Variants in CTTN observed in about 807,000 individuals in gnomAD.
CTTN encodes cortactin.
In CTTN, 28 loss-of-function variants were observed where a neutral mutation model predicts 84.0. That is an observed-to-expected ratio of 0.33 (90% CI 0.25 to 0.46). The LOEUF (loss-of-function observed/expected upper bound fraction) is 0.46, where lower values mean the gene tolerates loss of function less well. CTTN is among the 20% of genes least tolerant of loss of function. The pLI, the probability that CTTN is intolerant of heterozygous loss-of-function variation, is 1.00. For synonymous variants in CTTN, 301 were observed against 288.8 expected (o/e 1.04, Z -0.43); for missense variants, 641 against 723.8 (o/e 0.89, Z 1.31).
At chr11:70,425,244 G>A (rs2058288366) in intron 12 of CTTN, 88 bp from the exon 13 acceptor site, 1 of 1,025,982 alleles carries the variant, frequency 9.7e-7, no homozygotes, top group African/African-American at 1.6e-5. Flanking sequence ...GAAGATCTGG[G>A]GAAGGCATTT....
chr11:70,415,995 G>A, intron 7 of CTTN: 2 of 413,038 alleles, frequency 4.8e-6, no homozygotes, highest in Admixed American at 8.0e-5. Flanking sequence ...TCTCCCCCTT[G>A]TAGCGGAAGC....
At position 70,435,253 on chromosome 11, in the gene CTTN, G is replaced by GTTTTTTT. The variant is rs370623790; in HGVS notation, c.*110_*116dup. On this transcript the variant is annotated 3_prime_UTR_variant, in exon 18 of 18. Transcript: ENST00000301843. ...TCTTGGGTGGTTTTGGGTTTTTTCT[G>GTTTTTTT]TTTTTTTTTTTTTTTTTTTTTTTTT... 3.4e-4 allele frequency: 321 copies of GTTTTTTT among 938,468 alleles called. No individual in the cohort carries two copies. The highest frequency in any genetic ancestry group is 1.0e-3 in the South Asian group (38 of 37,292). 58.1% of individuals were successfully genotyped at this position (938,468 alleles called of 1,614,324 possible).
intron 5 of CTTN, 120 bp downstream of exon 5, chr11:70,410,080 T>C: frequency 9.1e-7 from 1 of 1,097,008 alleles, no homozygotes; most frequent in Non-Finnish European, 1.3e-6. Flanking sequence ...CTGCTGAGGT[T>C]GCGATTTGCC....
intron 13 of CTTN, among the ~76,000 whole-genome samples, chr11:70,428,674 A>G (rs904359312): frequency 3.9e-5 from 6 of 152,226 alleles, no homozygotes; most frequent in Non-Finnish European, 5.9e-5. Context: ...GAGATTTACT[A>G]TACTCAGTAT....
intron 17 of CTTN, among the ~76,000 whole-genome samples, chr11:70,434,807 T>A (rs2135600923): frequency 6.6e-6 from 1 of 152,340 alleles, no homozygotes; most frequent in East Asian, 1.9e-4. Context: ...GGTGCTTGTG[T>A]GAAGGGCTCT....
chr11:70,433,609 A>G, intron 16 of CTTN, 38 bp from the exon 17 acceptor site: 2 of 1,448,490 alleles, frequency 1.4e-6, no homozygotes, highest in Non-Finnish European at 1.9e-6. Context: ...CCTGTGTGGG[A>G]CTTTGTATTG....
At chr11:70,428,756 GT>G (rs141746917) in intron 13 of CTTN, among the ~76,000 whole-genome samples, 3 of 152,254 alleles carry the variant, frequency 2.0e-5, no homozygotes, top group Non-Finnish European at 4.4e-5. Context: ...GAAATTGGCT[GT>G]TTTTATTTAA....
At position 70,435,088 on chromosome 11, in the gene CTTN, G is replaced by A. The variant is rs748720312; in HGVS notation, c.1579G>A (p.Asp527Asn). 1.4e-5 allele frequency: 22 copies of A among 1,613,842 alleles called. 1 individual carries two copies. Among genetic ancestry groups the A allele is most frequent in the African/African-American group, 2.7e-5 (2 of 74,894 alleles). ...CATCACCAACATCGAGATGATTGAC[G>A]ACGGCTGGTGGCGCGGGGTGTGCAA... Reference protein sequence around the residue: ...DIITNIEMIDDGWWRGVCKGR... With the variant: ...DIITNIEMIDNGWWRGVCKGR... The change falls in exon 18 of 18, where the codon GAC becomes AAC. Residue 527 changes from aspartate to asparagine, a missense_variant. Around this residue, in one of 3 missense-constraint regions of CTTN, gnomAD observed 68 missense variants for 102.2 expected, o/e 0.67. Transcript: ENST00000301843.
chr11:70,416,822 C>T (rs955271276), intron 7 of CTTN, 191 bp from the exon 8 acceptor site: 1 of 577,160 alleles, frequency 1.7e-6, no homozygotes, highest in East Asian at 2.9e-5. Flanking sequence ...CCAGAACCCC[C>T]CCATGCACCT....
chr11:70,426,835 CATG>C (rs1272969119), intron 13 of CTTN, among the ~76,000 whole-genome samples: 4 of 151,720 alleles, frequency 2.6e-5, no homozygotes, highest in African/African-American at 9.7e-5. Flanking sequence ...CTCCTGACCT[CATG>C]ATCTGCCCGC....
At chr11:70,432,435 G>A (rs960947060) in intron 15 of CTTN, among the ~76,000 whole-genome samples, 5 of 152,208 alleles carry the variant, frequency 3.3e-5, no homozygotes, top group East Asian at 1.9e-4. Context: ...CTGAGCTGTC[G>A]GCATTGCTTT....
At position 70,435,419 on chromosome 11, in the gene CTTN, T is replaced by A. The variant is rs767936018; in HGVS notation, c.*257T>A. On this transcript the variant is annotated 3_prime_UTR_variant, in exon 18 of 18. Transcript: ENST00000301843. ...GACTTTGGTAATTGGTTTTATGCAT[T>A]GATGGTTTTTTTTTTCTTTTTTGCC... 6.6e-7 allele frequency: 1 copy of A among 1,507,138 alleles called. No individual in the cohort carries two copies. The highest frequency in any genetic ancestry group is 8.8e-7 in the Non-Finnish European group (1 of 1,139,086). The allele number at this position is 1,507,138 out of a possible 1,614,324, so 93.4% of individuals were successfully genotyped here.
intron 5 of CTTN, among the ~76,000 whole-genome samples, chr11:70,411,711 C>T (rs1451376510): frequency 2.6e-5 from 4 of 152,090 alleles, no homozygotes; most frequent in African/African-American, 9.7e-5. Flanking sequence ...GCGCGAATCT[C>T]GCTCACCCTA....
At chr11:70,434,750 G>A (rs975465523) in intron 17 of CTTN, among the ~76,000 whole-genome samples, 1 of 152,250 alleles carries the variant, frequency 6.6e-6, no homozygotes, top group Non-Finnish European at 1.5e-5. Context: ...CGGGGCTGGA[G>A]TTATGTGGTG....
At chr11:70,419,397 C>G (rs572289924) in intron 8 of CTTN, among the ~76,000 whole-genome samples, 20 of 152,098 alleles carry the variant, frequency 1.3e-4, no homozygotes, top group African/African-American at 4.6e-4. Context: ...GGCGTGAGCC[C>G]CCTCCCCCAG....
At position 70,433,969 on chromosome 11, in the gene CTTN, G is replaced by A. The variant is rs527744172; in HGVS notation, c.1516+251G>A. ...GTATTCTCTGAACCCTTGGAGAGCT[G>A]CAGGGGTGCTGCCACCCCCAAAGAC... On this transcript the variant is annotated intron_variant, in intron 17 of 17. Coordinates refer to ENST00000301843, the MANE Select transcript of CTTN (RefSeq NM_005231.4). Among the ~76,000 whole-genome samples, 14 of 152,294 alleles carry A rather than the reference G, an allele frequency of 9.2e-5. 1 individual carries two copies. Among genetic ancestry groups the A allele is most frequent in the African/African-American group, 3.1e-4 (13 of 41,554 alleles).
At chr11:70,403,002 G>A (rs1376343521) in intron 1 of CTTN, among the ~76,000 whole-genome samples, 1 of 152,116 alleles carries the variant, frequency 6.6e-6, no homozygotes, top group Non-Finnish European at 1.5e-5. Flanking sequence ...AGTCATCCTA[G>A]TGGGTATGAG....
chr11:70,409,721 G>C lies in CTTN; in HGVS notation c.162-110G>C, dbSNP rs1000289099. 3.2e-6 allele frequency: 4 copies of C among 1,252,534 alleles called. No homozygotes were observed. The African/African-American group carries it at 4.5e-5, about 14-fold the overall frequency. 77.6% of individuals were successfully genotyped at this position (1,252,534 alleles called of 1,614,324 possible). On this transcript the variant is annotated intron_variant, in intron 4 of 17. Coordinates refer to ENST00000301843, the MANE Select transcript of CTTN (RefSeq NM_005231.4). ...AGAATCGGTGAACATCAGATAAGCAGATTTACAAATTTACAAAGATAATGT... is the reference window on the plus strand; with the variant it reads ...AGAATCGGTGAACATCAGATAAGCACATTTACAAATTTACAAAGATAATGT...
chr11:70,436,496 T>C lies in CTTN; in HGVS notation c.*1334T>C. The stretch of plus-strand genomic sequence containing the variant: ...AGGTCGGGTTTTATATGCAACTTAT[T>C]GTATCTGAATTCCTGTAGCACACCT... On this transcript the variant is annotated 3_prime_UTR_variant, in exon 18 of 18. Coordinates refer to ENST00000301843, the MANE Select transcript of CTTN (RefSeq NM_005231.4). The C allele has an allele frequency of 1.8e-6, 2 of 1,113,692 alleles. No individual in the cohort carries two copies. Among genetic ancestry groups the C allele is most frequent in the African/African-American group, 1.5e-5 (1 of 64,894 alleles). The allele number at this position is 1,113,692 out of a possible 1,614,324, so 69.0% of individuals were successfully genotyped here. A position where few individuals can be genotyped will look rare whatever the true frequency, so the allele number is the denominator to read the frequency against.
Sources: gnomAD v4.1 joint callset for allele counts (sites outside exome capture counted in the v4.1 genomes callset) on GRCh38, gnomAD v4.1.1 for gene constraint, gnomAD v4.1.1 regional missense constraint, MANE v1.5 for transcripts, NCBI Gene and HGNC (gene_info 2026-07-23, HGNC 2026-07-21) for gene names.